Variants in ZNF831 observed in about 807,000 individuals in gnomAD.
ZNF831 encodes chromosome 20 open reading frame 174.
ZNF831 carries 59 observed loss-of-function variants against 95.8 expected under a neutral mutation model. That is an observed-to-expected ratio of 0.62 (90% CI 0.50 to 0.77). The LOEUF (loss-of-function observed/expected upper bound fraction) is 0.77, where lower values mean the gene tolerates loss of function less well. Ranked by LOEUF, ZNF831 falls within the 30% of genes least tolerant of loss-of-function variation. The pLI, the probability that ZNF831 is intolerant of heterozygous loss-of-function variation, is 0.00. For missense variants in ZNF831, 2,205 were observed against 2,164.0 expected (o/e 1.02, Z -0.38); for synonymous variants, 961 against 925.5 (o/e 1.04, Z -0.70).
Position 59,192,013 on chromosome 20 carries a change from C to T in ZNF831, c.994C>T (p.Pro332Ser), listed in dbSNP as rs779773826. ...GGAGAAGCCCTGGGATGCCAAGGCC[C>T]CCGAGGGCCGGCTGCGGAAGTGTGA... is the stretch of plus-strand genomic sequence containing the variant. The part of the protein sequence containing the change: ...AAEKPWDAKA[P>S]EGRLRKCEST... The change falls in exon 2 of 6, where the codon CCC becomes TCC. Residue 332 changes from proline (P) to serine (S), a missense_variant. By Grantham distance (74) the Pro-to-Ser change is moderately conservative (BLOSUM62 -1). Coordinates refer to ENST00000371030, the MANE Select transcript of ZNF831 (RefSeq NM_178457.3). This position sits in a 1 kb window ranked among gnomAD's most constrained non-coding sequence, Gnocchi z 5.2. 3 of 1,608,734 alleles carry T rather than the reference C, an allele frequency of 1.9e-6. No homozygotes were observed. Among genetic ancestry groups the T allele is most frequent in the Non-Finnish European group, 2.5e-6 (3 of 1,178,836 alleles).
rs753264911 is a variant in ZNF831, at chr20:59,194,202, G to A, written c.3183G>A (p.Glu1061=). ...ATSSPPTPTC[E]AHLVQDMEGD... ...CCTCCCCGCCCACTCCAACGTGTGA[G>A]GCACACTTAGTTCAGGACATGGAGG... Residue 1061 remains glutamate, a synonymous_variant, in exon 2 of 6, where the codon GAG becomes GAA. Coordinates refer to ENST00000371030, the MANE Select transcript of ZNF831 (RefSeq NM_178457.3). 1 of 1,611,418 alleles carries A rather than the reference G, an allele frequency of 6.2e-7. No individual in the cohort carries two copies. Among genetic ancestry groups the A allele is most frequent in the Non-Finnish European group, 8.5e-7 (1 of 1,178,632 alleles).
At chr20:59,202,696 C>CA (rs1220577456) in intron 3 of ZNF831, among the ~76,000 whole-genome samples, 3 of 152,184 alleles carry the variant, frequency 2.0e-5, no homozygotes, top group African/African-American at 7.2e-5. Context: ...TTGGGTCTTC[C>CA]ATGTGCCTCT....
rs1568759098 is a variant in ZNF831 at position 59,194,370 on chromosome 20, G to A, written c.3351G>A (p.Gly1117=). 6.2e-7 allele frequency: 1 copy of A among 1,611,610 alleles called. No homozygotes were observed. The highest frequency in any genetic ancestry group is 8.5e-7 in the Non-Finnish European group (1 of 1,178,962). ...ATGCCCCAGAAGATCCTTCTTCAGG[G>A]CCCCTGGTGGGCCCCGACCCGTGTT... The part of the protein sequence containing the change: ...PGNAPEDPSS[G]PLVGPDPCSP... The change falls in exon 2 of 6, where the codon GGG becomes GGA. Residue 1117 remains glycine, a synonymous_variant. Transcript: ENST00000371030.
intron 1 of ZNF831, among the ~76,000 whole-genome samples, chr20:59,127,075 G>C (rs1409103976): frequency 1.3e-5 from 2 of 152,100 alleles, no homozygotes; most frequent in Non-Finnish European, 2.9e-5. Flanking sequence ...CAGGAGGTTT[G>C]CTTCTTGGGT....
intron 4 of ZNF831, among the ~76,000 whole-genome samples, chr20:59,232,262 T>C (rs1481120092): frequency 7.5e-6 from 1 of 133,760 alleles, no homozygotes; most frequent in Non-Finnish European, 1.5e-5. Context: ...GAACTACCTT[T>C]TTAAAGAAGA....
At chr20:59,139,639 A>G (rs1023459771) in intron 1 of ZNF831, among the ~76,000 whole-genome samples, 1 of 152,158 alleles carries the variant, frequency 6.6e-6, no homozygotes, top group African/African-American at 2.4e-5. Flanking sequence ...ACCCCTATGA[A>G]TGTCATGGAT....
chr20:59,211,084 A>C (rs1985297902), intron 4 of ZNF831, among the ~76,000 whole-genome samples: 2 of 152,046 alleles, frequency 1.3e-5, no homozygotes, highest in Admixed American at 1.3e-4. Context: ...AGGAGAAAAA[A>C]AAATTCAGAA....
intron 1 of ZNF831, among the ~76,000 whole-genome samples, chr20:59,170,238 T>C (rs1036861341): frequency 2.6e-5 from 4 of 152,318 alleles, no homozygotes; most frequent in Admixed American, 2.6e-4. Flanking sequence ...CATCACACTG[T>C]GGGAAATGCT....
intron 4 of ZNF831, among the ~76,000 whole-genome samples, chr20:59,246,055 T>C (rs1349479442): frequency 6.6e-6 from 1 of 152,178 alleles, no homozygotes; most frequent in African/African-American, 2.4e-5. Context: ...TGGTTTCTTT[T>C]GTTTGTTCAT....
intron 1 of ZNF831, among the ~76,000 whole-genome samples, chr20:59,167,891 G>C (rs983639394): frequency 6.6e-6 from 1 of 151,816 alleles, no homozygotes; most frequent in Non-Finnish European, 1.5e-5. Context: ...AAAAAAATCA[G>C]TTGGGTATAT....
rs2146559992 is a variant in ZNF831, at chr20:59,192,113, G to A, written c.1094G>A (p.Ser365Asn). Residue 365 changes from serine (S) to asparagine (N), a missense_variant, in exon 2 of 6, where the codon AGC (serine) becomes AAC (asparagine). Transcript: ENST00000371030. The surrounding 1 kb of genome is among the most constrained non-coding windows in gnomAD (Gnocchi z 5.2). ...QPHAPCSPLH[S>N]LSEHSAESEG... The stretch of plus-strand genomic sequence containing the variant: ...CATGCGCCCTGCAGCCCCCTGCACA[G>A]CCTTTCGGAGCACAGCGCCGAGTCC... The A allele has an allele frequency of 1.3e-6, 2 of 1,580,896 alleles. No individual in the cohort carries two copies. The highest frequency in any genetic ancestry group is 1.7e-6 in the Non-Finnish European group (2 of 1,168,884).
intron 1 of ZNF831, among the ~76,000 whole-genome samples, chr20:59,144,307 T>C (rs1979769916): frequency 6.6e-6 from 1 of 152,126 alleles, no homozygotes; most frequent in African/African-American, 2.4e-5. Flanking sequence ...GTCGTCTCAG[T>C]TGAGCCCCAA....
chr20:59,152,776 TCCAA>T (rs1436723718), intron 2 of ZNF831, among the ~76,000 whole-genome samples: 1 of 151,948 alleles, frequency 6.6e-6, no homozygotes. Flanking sequence ...TGGGCCAGCA[TCCAA>T]GGAGCCAAAA....
At chr20:59,203,539 C>G (rs976710443) in intron 3 of ZNF831, among the ~76,000 whole-genome samples, 1 of 152,158 alleles carries the variant, frequency 6.6e-6, no homozygotes, top group African/African-American at 2.4e-5. Flanking sequence ...ATACGTGGCA[C>G]AGATTGTCTG....
chr20:59,190,602 G>A (rs747963324), intron 1 of ZNF831, among the ~76,000 whole-genome samples: 1 of 152,230 alleles, frequency 6.6e-6, no homozygotes, highest in African/African-American at 2.4e-5. Context: ...CCTTGAACAA[G>A]CTGCATGACT....
intron 4 of ZNF831, among the ~76,000 whole-genome samples, chr20:59,250,874 TAGA>T (rs1175420847): frequency 6.6e-6 from 1 of 150,734 alleles, no homozygotes; most frequent in Non-Finnish European, 1.5e-5. Flanking sequence ...ATAAGAAAAA[TAGA>T]AGATTATACT....
chr20:59,191,685 G>C lies in ZNF831; in HGVS notation c.666G>C (p.Glu222Asp), dbSNP rs1045348155. ...TGGAGGAAGGGGACAAGGCCGGAGA[G>C]CCCCCCAGACCAGAGGGCAGGGGCG... is the stretch of plus-strand genomic sequence containing the variant. ...GLLEEGDKAG[E>D]PPRPEGRGES... Residue 222 changes from glutamate (E) to aspartate (D), a missense_variant, in exon 2 of 6, where the codon GAG (glutamate) becomes GAC (aspartate). By Grantham distance (45) the Glu-to-Asp change is conservative (BLOSUM62 2). Transcript: ENST00000371030. The C allele has an allele frequency of 6.4e-7, 1 of 1,558,590 alleles. No individual in the cohort carries two copies. Among genetic ancestry groups the C allele is most frequent in the Non-Finnish European group, 8.7e-7 (1 of 1,152,382 alleles).
Position 59,191,257 on chromosome 20 carries a change from G to T in ZNF831, c.238G>T (p.Gly80Cys), listed in dbSNP as rs760719494. ...CCAGCCCCGCGCCCCGCTAGTGACG[G>T]GCAGCCTAGATGGGGGCAACGTGCC... ...GLQPRAPLVT[G>C]SLDGGNVPFI... The change falls in exon 2 of 6, where the codon GGC becomes TGC. Residue 80 changes from glycine (G) to cysteine (C), a missense_variant. Physicochemically the swap from Gly to Cys is radical, Grantham distance 159. Transcript: ENST00000371030. The T allele has an allele frequency of 6.4e-6, 10 of 1,551,656 alleles. No homozygotes were observed. Among genetic ancestry groups the T allele is most frequent in the Non-Finnish European group, 8.7e-6 (10 of 1,149,316 alleles).
intron 4 of ZNF831, among the ~76,000 whole-genome samples, chr20:59,243,973 C>G (rs776419842): frequency 6.6e-6 from 1 of 151,982 alleles, no homozygotes; most frequent in Non-Finnish European, 1.5e-5. Context: ...TTCTTTCTTC[C>G]TCACAATTTA....
Sources: gnomAD v4.1 joint callset for allele counts (sites outside exome capture counted in the v4.1 genomes callset) on GRCh38, gnomAD v4.1.1 for gene constraint, Gnocchi (gnomAD v3.1) non-coding constraint, MANE v1.5 for transcripts, NCBI Gene and HGNC (gene_info 2026-07-23, HGNC 2026-07-21) for gene names.